Variants in SYT3 observed in about 807,000 individuals in gnomAD.
The protein encoded by SYT3 is synaptotagmin-3.
Under a neutral mutation model 50.6 loss-of-function variants are expected in SYT3, and 25 were observed. The ratio of observed to expected loss-of-function variants is 0.49; its 90% CI spans 0.36 to 0.69. The LOEUF is 0.69. SYT3 is among the 30% of genes least tolerant of loss of function. The pLI is 0.00. For missense variants in SYT3, 589 were observed against 793.6 expected (o/e 0.74, Z 3.10); for synonymous variants, 323 against 353.9 (o/e 0.91, Z 0.98).
At chr19:50,624,837 C>A (rs1370433678) in intron 9 of SYT3, 3 of 236,178 alleles carry the variant, frequency 1.3e-5, no homozygotes, top group Non-Finnish European at 1.6e-5. Context: ...CAGGCGTGAG[C>A]CACCACGCCC....
In SYT3 at chr19:50,625,370, C is replaced by T; in HGVS notation, c.1574+23G>A. On this transcript the variant is annotated intron_variant, in intron 8 of 10. Transcript: ENST00000600079. The surrounding 1 kb of genome is among the most constrained non-coding windows in gnomAD (Gnocchi z 7.5). Reference sequence around the variant, plus strand: ...CCCACCCCAGCCCTCCTGCCTGACCCCCGCCCGGGCCGCGCCCCTCACCAG... The same window carrying T: ...CCCACCCCAGCCCTCCTGCCTGACCTCCGCCCGGGCCGCGCCCCTCACCAG... 1.3e-6 allele frequency: 2 copies of T among 1,542,880 alleles called. No homozygotes were observed. The highest frequency in any genetic ancestry group is 1.7e-6 in the Non-Finnish European group (2 of 1,145,128).
At position 50,625,265 on chromosome 19, in the gene SYT3, C is replaced by T; in HGVS notation, c.1604G>A (p.Cys535Tyr). 1 of 1,548,962 alleles carries T rather than the reference C, an allele frequency of 6.5e-7. No homozygotes were observed. The change falls in exon 9 of 11, where the codon TGC becomes TAC. Residue 535 changes from cysteine (C) to tyrosine (Y), a missense_variant. Around this residue, in one of 2 missense-constraint regions of SYT3, gnomAD observed 273 missense variants for 439.3 expected, o/e 0.62. Coordinates refer to ENST00000600079, the MANE Select transcript of SYT3 (RefSeq NM_001160329.2). This position sits in a 1 kb window ranked among gnomAD's most constrained non-coding sequence, Gnocchi z 7.5. ...GTCGGCAGCGTCGGGGCCCACACGG[C>T]ACACGCCGATCACCTCGTTGTGCCC... ...CIGHNEVIGV[C>Y]RVGPDAADPH...
At chr19:50,652,337 A>G in the SYT3 span, among the ~76,000 whole-genome samples, 1 of 152,366 alleles carries the variant, frequency 6.6e-6, no homozygotes, top group East Asian at 1.9e-4. Flanking sequence ...GCTGGGGACG[A>G]AAACACAAGT....
rs375870674 is a variant in SYT3 at position 50,625,988 on chromosome 19, G to A, written c.1311C>T (p.Phe437=). 20 of 1,614,122 alleles carry A rather than the reference G, an allele frequency of 1.2e-5. No homozygotes were observed. Among genetic ancestry groups the A allele is most frequent in the Non-Finnish European group, 1.7e-5 (20 of 1,179,994 alleles). The change falls in exon 7 of 11, where the codon TTC becomes TTT. Residue 437 remains phenylalanine, a synonymous_variant. Coordinates refer to ENST00000600079, the MANE Select transcript of SYT3 (RefSeq NM_001160329.2). This position sits in a 1 kb window ranked among gnomAD's most constrained non-coding sequence, Gnocchi z 7.5. The stretch of plus-strand genomic sequence containing the variant: ...CGGCCGTGGGGAGGTAGCAGAGTGA[G>A]AAGTTGAGCTCCCCAAGATCTGCTT... ...SEKADLGELN[F]SLCYLPTAGR...
At chr19:50,627,867 G>A (rs1285849754) in intron 6 of SYT3, among the ~76,000 whole-genome samples, 1 of 152,220 alleles carries the variant, frequency 6.6e-6, no homozygotes, top group Non-Finnish European at 1.5e-5. Context: ...CAGAGAGAAG[G>A]CCCTGGCATG....
chr19:50,634,776 G>A (rs1467349838), intron 3 of SYT3, among the ~76,000 whole-genome samples: 1 of 152,000 alleles, frequency 6.6e-6, no homozygotes, highest in Non-Finnish European at 1.5e-5. Context: ...AATAGACGGA[G>A]TTTTGTTATG....
In SYT3 at chr19:50,625,964, G is replaced by A. The variant is rs777995617; in HGVS notation, c.1335C>T (p.Ala445=). The A allele has an allele frequency of 5.0e-6, 8 of 1,613,970 alleles. No homozygotes were observed. Among genetic ancestry groups the A allele is most frequent in the Middle Eastern group, 1.6e-4 (1 of 6,082 alleles). ...LNFSLCYLPT[A]GRLTVTIIKA... ...TGATGATGGTCACGGTGAGGCGCCC[G>A]GCCGTGGGGAGGTAGCAGAGTGAGA... Residue 445 remains alanine (A), a synonymous_variant, in exon 7 of 11, where the codon GCC becomes GCT. Coordinates refer to ENST00000600079, the MANE Select transcript of SYT3 (RefSeq NM_001160329.2). The surrounding 1 kb of genome is among the most constrained non-coding windows in gnomAD (Gnocchi z 7.5).
intron 4 of SYT3, among the ~76,000 whole-genome samples, chr19:50,630,754 C>T (rs913047838): frequency 1.3e-5 from 2 of 152,112 alleles, no homozygotes; most frequent in African/African-American, 2.4e-5. Context: ...TAGCTCCAGC[C>T]CAGACCTGTG....
At chr19:50,649,667 G>A in the SYT3 span, 4 of 858,286 alleles carry the variant, frequency 4.7e-6, no homozygotes, top group East Asian at 5.4e-5. Flanking sequence ...CTGGAGAGCG[G>A]CCCCCTTGGA....
intron 3 of SYT3, among the ~76,000 whole-genome samples, chr19:50,635,072 A>G (rs1984452369): frequency 6.6e-6 from 1 of 151,940 alleles, no homozygotes; most frequent in African/African-American, 2.4e-5. Context: ...CACCATGCCC[A>G]GCTAATTTTT....
At chr19:50,624,553 A>AT (rs1983971116) in intron 9 of SYT3, among the ~76,000 whole-genome samples, 1 of 89,922 alleles carries the variant, frequency 1.1e-5, no homozygotes, top group Non-Finnish European at 2.1e-5. Flanking sequence ...ATCTTAAATG[A>AT]CTTTTTTTTT....
intron 4 of SYT3, among the ~76,000 whole-genome samples, chr19:50,630,741 A>C (rs1283335105): frequency 2.0e-5 from 3 of 152,032 alleles, no homozygotes; most frequent in Non-Finnish European, 4.4e-5. Context: ...CCCATTTCAA[A>C]GCTAGCTCCA....
intron 3 of SYT3, among the ~76,000 whole-genome samples, chr19:50,634,094 A>C (rs2123016988): frequency 6.6e-6 from 1 of 152,384 alleles, no homozygotes; most frequent in South Asian, 2.1e-4. Flanking sequence ...CTTGCAGAGA[A>C]ACCCAAGTAC....
chr19:50,656,212 C>T, the SYT3 span: 2,078 of 1,536,038 alleles, frequency 1.4e-3, 32 homozygotes, highest in African/African-American at 0.025. Context: ...CCTGCCTGTT[C>T]GCTCTCTCCC....
At chr19:50,628,831 T>C (rs1348379309) in intron 6 of SYT3, among the ~76,000 whole-genome samples, 2 of 150,980 alleles carry the variant, frequency 1.3e-5, no homozygotes, top group Non-Finnish European at 3.0e-5. Context: ...TGTTCTTTTT[T>C]TTTTTTTTTT....
chr19:50,636,857 C>T (rs368551289), intron 3 of SYT3, among the ~76,000 whole-genome samples: 16 of 152,308 alleles, frequency 1.1e-4, no homozygotes, highest in African/African-American at 1.4e-4. Flanking sequence ...TATGAAGCAT[C>T]CCTTTTATTA....
rs758369360 is a variant in SYT3, at chr19:50,637,252, AG to A, written c.148+11del. ...AAGCAGGGGGCTGGCCAAGACAGGC[AG>A]GGGTGCTGACCTGCATCTGGACCCC... On this transcript the variant is annotated intron_variant, in intron 3 of 10. Coordinates refer to ENST00000600079, the MANE Select transcript of SYT3 (RefSeq NM_001160329.2). The surrounding 1 kb of genome is among the most constrained non-coding windows in gnomAD (Gnocchi z 4.9). 7.4e-6 allele frequency: 12 copies of A among 1,611,010 alleles called. No individual in the cohort carries two copies. Among genetic ancestry groups the A allele is most frequent in the Admixed American group, 3.3e-5 (2 of 59,962 alleles).
At chr19:50,628,649 A>G (rs1323961605) in intron 6 of SYT3, among the ~76,000 whole-genome samples, 1 of 151,984 alleles carries the variant, frequency 6.6e-6, no homozygotes, top group African/African-American at 2.4e-5. Flanking sequence ...GTCATTGGAA[A>G]GTCAGGAAGT....
At chr19:50,653,009 G>A in the SYT3 span, among the ~76,000 whole-genome samples, 1 of 152,148 alleles carries the variant, frequency 6.6e-6, no homozygotes, top group East Asian at 1.9e-4. Context: ...GTTGTTGTGA[G>A]GATGCAATGG....
Sources: allele counts gnomAD v4.1 joint callset (sites outside exome capture counted in the v4.1 genomes callset), GRCh38; gene constraint gnomAD v4.1.1; regional missense constraint gnomAD v4.1.1; non-coding constraint Gnocchi (gnomAD v3.1); transcripts MANE v1.5; gene names NCBI Gene and HGNC (gene_info 2026-07-23, HGNC 2026-07-21).